C2orf76: variants seen among roughly 807,000 people sequenced by gnomAD.
C2orf76 encodes UPF0538 protein C2orf76.
C2orf76 carries 23 observed loss-of-function variants against 16.9 expected under a neutral mutation model. The ratio of observed to expected loss-of-function variants is 1.36; its 90% CI spans 0.98 to 1.93. The LOEUF (loss-of-function observed/expected upper bound fraction) is 1.93. C2orf76 is among the 30% of genes most tolerant of loss of function. C2orf76 has a pLI of 0.00. For missense variants in C2orf76, 152 were observed against 152.6 expected, an observed-to-expected ratio of 1.00 and a Z score of 0.02; for synonymous variants, 48 against 52.3, an observed-to-expected ratio of 0.92 and a Z score of 0.35.
intron 4 of C2orf76, among the ~76,000 whole-genome samples, chr2:119,316,579 C>T (rs1679179355): frequency 1.3e-5 from 2 of 152,158 alleles, no homozygotes; most frequent in African/African-American, 4.8e-5. Flanking sequence ...ATCTGTGATA[C>T]GCATTTATCT....
Position 119,334,849 on chromosome 2 carries a change from T to C in C2orf76, c.133+4978A>G, listed in dbSNP as rs183275788. Among the ~76,000 whole-genome samples the C allele has an allele frequency of 2.0e-5, 3 of 152,226 alleles. No individual in the cohort carries two copies. The East Asian group carries it at 5.8e-4, about 29-fold the overall frequency. ...GAAAAAGTGCTGACCTAAATAACTC[T>C]GGCAATGAACAGATTTTGTAAGACT... is the stretch of plus-strand genomic sequence containing the variant. On this transcript the variant is annotated intron_variant, in intron 2 of 5. Coordinates refer to ENST00000334816, the MANE Select transcript of C2orf76 (RefSeq NM_001322331.2).
intron 2 of C2orf76, among the ~76,000 whole-genome samples, chr2:119,326,423 C>T (rs896599504): frequency 1.3e-5 from 2 of 152,206 alleles, no homozygotes; most frequent in African/African-American, 2.4e-5. Context: ...ATATGTTTAT[C>T]TACACACCAG....
intron 5 of C2orf76, among the ~76,000 whole-genome samples, chr2:119,308,393 C>A (rs1678866790): frequency 6.6e-6 from 1 of 152,194 alleles, no homozygotes; most frequent in African/African-American, 2.4e-5. Flanking sequence ...GTAATCCCAG[C>A]ACTTTGGGAG....
At chr2:119,300,205 A>G (rs570208196), downstream of C2orf76, among the ~76,000 whole-genome samples, 24 of 152,350 alleles carry the variant, frequency 1.6e-4, 1 homozygote, top group Admixed American at 1.0e-3. Context: ...GTCAAATGAG[A>G]TAACATATGT....
At chr2:119,350,623 T>G (rs1680369645) in intron 1 of C2orf76, among the ~76,000 whole-genome samples, 1 of 152,214 alleles carries the variant, frequency 6.6e-6, no homozygotes, top group Non-Finnish European at 1.5e-5. Flanking sequence ...GCTGCTTTTT[T>G]GGTCCAAGCT....
chr2:119,291,166 G>T, the C2orf76 span, among the ~76,000 whole-genome samples: 1 of 152,036 alleles, frequency 6.6e-6, no homozygotes, highest in East Asian at 1.9e-4. Context: ...TGGCAGGAAA[G>T]GTGTCATACC....
At position 119,357,581 on chromosome 2, in the gene C2orf76, TC is replaced by T. The variant is rs1469827814; in HGVS notation, c.-13+9208del. Among the ~76,000 whole-genome samples the T allele has an allele frequency of 1.3e-4, 18 of 142,954 alleles. No individual in the cohort carries two copies. In the South Asian group the frequency reaches 3.8e-3, roughly 30 times the overall value. The allele number at this position is 142,954 out of a possible 152,430, so 93.8% of individuals were successfully genotyped here. A position where few individuals can be genotyped will look rare whatever the true frequency, so the allele number is the denominator to read the frequency against. On this transcript the variant is annotated intron_variant, in intron 1 of 5. Coordinates refer to ENST00000334816, the MANE Select transcript of C2orf76 (RefSeq NM_001322331.2). Reference sequence around the variant, plus strand: ...GAACATCTCAATTTGATAAAGAGCATCTACAAAAAACAAACCAAAAAAAAAA... The same window carrying T: ...GAACATCTCAATTTGATAAAGAGCATTACAAAAAACAAACCAAAAAAAAAA...
chr2:119,315,798 T>C (rs1679149509), intron 4 of C2orf76, among the ~76,000 whole-genome samples: 1 of 152,224 alleles, frequency 6.6e-6, no homozygotes, highest in Admixed American at 6.5e-5. Flanking sequence ...GCCCTAATTT[T>C]ATAACTAGAA....
At chr2:119,355,332 G>C (rs1375813101) in intron 1 of C2orf76, among the ~76,000 whole-genome samples, 1 of 152,154 alleles carries the variant, frequency 6.6e-6, no homozygotes, top group Non-Finnish European at 1.5e-5. Flanking sequence ...CTTTCATTCT[G>C]AACTATCTTT....
chr2:119,289,628 G>A, the C2orf76 span, among the ~76,000 whole-genome samples: 1 of 151,798 alleles, frequency 6.6e-6, no homozygotes, highest in Middle Eastern at 3.2e-3. Flanking sequence ...GGAGGTTGCA[G>A]TGAGCCGAGA....
At chr2:119,348,247 T>C (rs1424409467) in intron 1 of C2orf76, among the ~76,000 whole-genome samples, 1 of 152,172 alleles carries the variant, frequency 6.6e-6, no homozygotes, top group Non-Finnish European at 1.5e-5. Flanking sequence ...TTAACAAAAT[T>C]AGAATCCACT....
chr2:119,312,784 T>G (rs1219230404), intron 4 of C2orf76, among the ~76,000 whole-genome samples: 1 of 152,108 alleles, frequency 6.6e-6, no homozygotes, highest in African/African-American at 2.4e-5. Flanking sequence ...TCCCAGCACT[T>G]TGGCAGGCCG....
At chr2:119,341,711 A>G (rs997797911) in intron 1 of C2orf76, among the ~76,000 whole-genome samples, 1 of 152,240 alleles carries the variant, frequency 6.6e-6, no homozygotes, top group Non-Finnish European at 1.5e-5. Flanking sequence ...ACCATAATAT[A>G]CAATAAAAGT....
chr2:119,352,805 T>TAG (rs891028500), intron 1 of C2orf76, among the ~76,000 whole-genome samples: 1 of 152,044 alleles, frequency 6.6e-6, no homozygotes, highest in Non-Finnish European at 1.5e-5. Flanking sequence ...GTTATATATA[T>TAG]AGAGAGAGTG....
chr2:119,353,250 G>A (rs1257339141), intron 1 of C2orf76, among the ~76,000 whole-genome samples: 4 of 152,086 alleles, frequency 2.6e-5, no homozygotes, highest in Admixed American at 2.6e-4. Context: ...GGAACACCTA[G>A]CATACTGTTA....
chr2:119,327,380 A>T (rs112765149), intron 2 of C2orf76, among the ~76,000 whole-genome samples: 3 of 97,718 alleles, frequency 3.1e-5, no homozygotes, highest in Non-Finnish European at 5.7e-5. Flanking sequence ...CCAGCATTGC[A>T]TTCTTAGGAT....
At chr2:119,338,970 T>A (rs527786008) in intron 2 of C2orf76, 1 of 152,296 alleles carries the variant, frequency 6.6e-6, no homozygotes, top group East Asian at 1.9e-4. Flanking sequence ...CAGATCAGTA[T>A]CCAAGATGGA....
At chr2:119,349,307 A>AT (rs1259684526) in intron 1 of C2orf76, among the ~76,000 whole-genome samples, 2 of 152,180 alleles carry the variant, frequency 1.3e-5, no homozygotes, top group Non-Finnish European at 2.9e-5. Context: ...AGCTATTTCC[A>AT]TTTGTTTTTA....
the C2orf76 span, among the ~76,000 whole-genome samples, chr2:119,293,848 GA>G: frequency 6.6e-6 from 1 of 152,212 alleles, no homozygotes; most frequent in African/African-American, 2.4e-5. Flanking sequence ...CTTCAGTGGA[GA>G]AGACTGAGCA....
Sources: gnomAD v4.1 joint callset for allele counts (sites outside exome capture counted in the v4.1 genomes callset) on GRCh38, gnomAD v4.1.1 for gene constraint, MANE v1.5 for transcripts, NCBI Gene and HGNC (gene_info 2026-07-23, HGNC 2026-07-21) for gene names.